GM2A: variants seen among roughly 807,000 people sequenced by gnomAD.
GM2A encodes the protein GM2 ganglioside activator.
Under a neutral mutation model 12.9 loss-of-function variants are expected in GM2A, and 7 were observed. The ratio of observed to expected loss-of-function variants is 0.54; its 90% CI spans 0.31 to 1.02. The LOEUF (loss-of-function observed/expected upper bound fraction) is 1.02, where lower values mean the gene tolerates loss of function less well. Among genes scored for constraint, GM2A ranks in the 50% least tolerant of loss-of-function variants. The pLI, the probability that GM2A is intolerant of heterozygous loss-of-function variation, is 0.05. For missense variants in GM2A, 246 were observed against 241.0 expected, an observed-to-expected ratio of 1.02 and a Z score of -0.14; for synonymous variants, 101 against 96.0, an observed-to-expected ratio of 1.05 and a Z score of -0.30.
chr5:151,262,693 A>G (rs1582072104), intron 2 of GM2A, among the ~76,000 whole-genome samples: 2 of 152,212 alleles, frequency 1.3e-5, no homozygotes, highest in South Asian at 4.1e-4. Flanking sequence ...GGATGGAATC[A>G]TTCCCTATGT....
At position 151,268,012 on chromosome 5, in the gene GM2A, GGT is replaced by G. The variant is rs1442602294; in HGVS notation, c.*567_*568del. 9.5e-7 allele frequency: 1 copy of G among 1,056,964 alleles called. No homozygotes were observed. Among genetic ancestry groups the G allele is most frequent in the African/African-American group, 1.7e-5 (1 of 59,200 alleles). The allele number at this position is 1,056,964 out of a possible 1,614,324, so 65.5% of individuals were successfully genotyped here. Reference sequence around the variant, plus strand: ...GGTGCAGTGTATCCTGGAGAGGTAGGGTGTGTGGGGGAGGAATCCCTTGGGGG... The same window carrying G: ...GGTGCAGTGTATCCTGGAGAGGTAGGGTGTGGGGGAGGAATCCCTTGGGGG... On this transcript the variant is annotated 3_prime_UTR_variant, in exon 4 of 4. Transcript: ENST00000357164.
chr5:151,263,089 CTTT>C (rs869289721), intron 2 of GM2A, among the ~76,000 whole-genome samples: 5 of 119,548 alleles, frequency 4.2e-5, no homozygotes, highest in Middle Eastern at 4.1e-3. Flanking sequence ...TCCCCAATTT[CTTT>C]TTTTTTTTTT....
At chr5:151,258,933 T>C (rs548683157) in intron 1 of GM2A, among the ~76,000 whole-genome samples, 54 of 151,884 alleles carry the variant, frequency 3.6e-4, no homozygotes, top group African/African-American at 1.3e-3. Context: ...GTCTTCACAG[T>C]GTGGGAGGTG....
chr5:151,258,318 C>T (rs1188161734), intron 1 of GM2A, among the ~76,000 whole-genome samples: 1 of 152,236 alleles, frequency 6.6e-6, no homozygotes, highest in Non-Finnish European at 1.5e-5. Flanking sequence ...CATACACGCT[C>T]TCGCCCTTGC....
rs778553529 is a variant in GM2A at position 151,266,862 on chromosome 5, C to T, written c.375C>T (p.Cys125=). The T allele has an allele frequency of 9.3e-6, 15 of 1,613,874 alleles. No individual in the cohort carries two copies. The South Asian group carries it at 1.6e-4, about 18-fold the overall frequency. ...LDMLIPTGEP[C]PEPLRTYGLP... ...TGTTAATTCCTACTGGGGAGCCCTG[C>T]CCAGAGCCCCTGCGTACCTATGGGC... The change falls in exon 3 of 4, where the codon TGC becomes TGT. Residue 125 remains cysteine, a synonymous_variant. Coordinates refer to ENST00000357164, the MANE Select transcript of GM2A (RefSeq NM_000405.5).
At chr5:151,259,624 G>C in intron 1 of GM2A, 131 bp from the exon 2 acceptor site, 1 of 751,856 alleles carries the variant, frequency 1.3e-6, no homozygotes. Flanking sequence ...GAGTCTCATA[G>C]ATGAGGCTCA....
chr5:151,270,414 A>C lies in GM2A; in HGVS notation c.*2963A>C, dbSNP rs1753986395. 1 of 398,542 alleles carries C rather than the reference A, an allele frequency of 2.5e-6. No individual in the cohort carries two copies. Among genetic ancestry groups the C allele is most frequent in the Non-Finnish European group, 4.4e-6 (1 of 226,040 alleles). The allele number at this position is 398,542 out of a possible 1,614,324, so 24.7% of individuals were successfully genotyped here. A position where few individuals can be genotyped will look rare whatever the true frequency, so the allele number is the denominator to read the frequency against. The stretch of plus-strand genomic sequence containing the variant: ...ATAAAATCAAATGACTGGGAGAAAA[A>C]TTTATCCAGCCTATATAATAGACAA... On this transcript the variant is annotated 3_prime_UTR_variant, in exon 4 of 4. Transcript: ENST00000357164.
intron 2 of GM2A, among the ~76,000 whole-genome samples, chr5:151,261,595 C>T (rs1319877736): frequency 2.7e-5 from 4 of 150,242 alleles, no homozygotes; most frequent in East Asian, 2.0e-4. Flanking sequence ...CCTGCCATTG[C>T]GCCCCACTAA....
chr5:151,266,947 G>A, intron 3 of GM2A, 34 bp downstream of exon 3: 1 of 1,523,878 alleles, frequency 6.6e-7, no homozygotes, highest in Non-Finnish European at 9.1e-7. Context: ...CGTTACCCCT[G>A]TGGCTAAAGA....
At position 151,269,223 on chromosome 5, in the gene GM2A, A is replaced by T. The variant is rs140540848; in HGVS notation, c.*1772A>T. On this transcript the variant is annotated 3_prime_UTR_variant, in exon 4 of 4. Transcript: ENST00000357164. ...TCATTTGAAGCCTGGAATAGCAATA[A>T]ATCTTTTTAACTTGCGGACAGTTTC... The T allele has an allele frequency of 3.0e-6, 3 of 985,428 alleles. No homozygotes were observed. Among genetic ancestry groups the T allele is most frequent in the East Asian group, 1.1e-4 (1 of 8,820 alleles). 61.0% of individuals were successfully genotyped at this position (985,428 alleles called of 1,614,324 possible).
At chr5:151,259,726 C>A (rs750956020) in intron 1 of GM2A, 29 bp from the exon 2 acceptor site, 1 of 1,608,572 alleles carries the variant, frequency 6.2e-7, no homozygotes, top group Non-Finnish European at 8.5e-7. Context: ...TTTTCTTCTT[C>A]TCCTTCCTTG....
intron 3 of GM2A, 164 bp from the exon 4 acceptor site, chr5:151,267,132 A>G: frequency 1.0e-6 from 1 of 955,096 alleles, no homozygotes; most frequent in Non-Finnish European, 1.6e-6. Flanking sequence ...TTTATCCATA[A>G]TAATCCATGC....
rs539494761 is a variant in GM2A, at chr5:151,269,168, T to G, written c.*1717T>G. On this transcript the variant is annotated 3_prime_UTR_variant, in exon 4 of 4. Coordinates refer to ENST00000357164, the MANE Select transcript of GM2A (RefSeq NM_000405.5). The stretch of plus-strand genomic sequence containing the variant: ...CACCCTGTTACATCATAACAACTTC[T>G]GAAACACACACCAGCCCTGAGTTCT... The G allele has an allele frequency of 2.0e-6, 2 of 985,332 alleles. No homozygotes were observed. 61.0% of individuals were successfully genotyped at this position (985,332 alleles called of 1,614,324 possible). A position where few individuals can be genotyped will look rare whatever the true frequency, so the allele number is the denominator to read the frequency against.
chr5:151,265,663 G>A (rs1289510271), intron 2 of GM2A, among the ~76,000 whole-genome samples: 1 of 152,182 alleles, frequency 6.6e-6, no homozygotes, highest in African/African-American at 2.4e-5. Context: ...GCGCGTGCCC[G>A]GCACAACTGG....
chr5:151,255,083 C>T (rs1753659052), intron 1 of GM2A, among the ~76,000 whole-genome samples: 2 of 152,182 alleles, frequency 1.3e-5, no homozygotes, highest in South Asian at 2.1e-4. Context: ...GGACAGATTG[C>T]TTGAGCTCAG....
At chr5:151,259,726 C>T (rs750956020) in intron 1 of GM2A, 29 bp from the exon 2 acceptor site, 14 of 1,608,454 alleles carry the variant, frequency 8.7e-6, no homozygotes, top group East Asian at 2.2e-5. Flanking sequence ...TTTTCTTCTT[C>T]TCCTTCCTTG....
chr5:151,261,624 A>G (rs1753800681), intron 2 of GM2A, among the ~76,000 whole-genome samples: 1 of 151,870 alleles, frequency 6.6e-6, no homozygotes, highest in Non-Finnish European at 1.5e-5. Flanking sequence ...TTTTTAGTAG[A>G]GATGGGGTTT....
At chr5:151,266,495 G>C (rs548724891) in intron 2 of GM2A, among the ~76,000 whole-genome samples, 2 of 151,274 alleles carry the variant, frequency 1.3e-5, no homozygotes, top group Non-Finnish European at 2.9e-5. Flanking sequence ...TCAGTGTAGG[G>C]GGAAAATTCA....
Position 151,268,179 on chromosome 5 carries a change from CAG to C in GM2A, c.*730_*731del. The stretch of plus-strand genomic sequence containing the variant: ...TTTTTCGCTTTTTTTTTTTTTGAGA[CAG>C]AATCTCACTTTGTCACCAGGCTGGA... On this transcript the variant is annotated 3_prime_UTR_variant, in exon 4 of 4. Transcript: ENST00000357164. The C allele has an allele frequency of 1.3e-6, 1 of 784,562 alleles. No individual in the cohort carries two copies. 48.6% of individuals were successfully genotyped at this position (784,562 alleles called of 1,614,324 possible).
Sources: allele counts gnomAD v4.1 joint callset (sites outside exome capture counted in the v4.1 genomes callset), GRCh38; gene constraint gnomAD v4.1.1; transcripts MANE v1.5; gene names NCBI Gene and HGNC (gene_info 2026-07-23, HGNC 2026-07-21).